FAM153A: variants seen among roughly 807,000 people sequenced by gnomAD.
FAM153A encodes the protein protein FAM153A.
A neutral mutation model predicts 48.1 loss-of-function variants in FAM153A; 12 were observed. That is an observed-to-expected ratio of 0.25 (90% CI 0.16 to 0.40). The LOEUF (loss-of-function observed/expected upper bound fraction) is 0.40. FAM153A is among the 10% of genes least tolerant of loss of function. The pLI is 1.00. For synonymous variants in FAM153A, 36 were observed against 118.2 expected, an observed-to-expected ratio of 0.30 and a Z score of 4.51; for missense variants, 111 against 345.8, an observed-to-expected ratio of 0.32 and a Z score of 5.38.
chr5:177,696,334 A>AGAT, the FAM153A span, among the ~76,000 whole-genome samples: 17 of 114,370 alleles, frequency 1.5e-4, no homozygotes, highest in Non-Finnish European at 2.8e-4. Context: ...CTCACTTCCC[A>AGAT]GATGGGCGGC....
chr5:177,754,143 C>A (rs1447915848), upstream of FAM153A, among the ~76,000 whole-genome samples: 1 of 151,876 alleles, frequency 6.6e-6, no homozygotes, highest in African/African-American at 2.4e-5. Flanking sequence ...CACCCTAATA[C>A]TGCGCTTTTC....
At chr5:177,699,020 C>T in the FAM153A span, among the ~76,000 whole-genome samples, 292 of 151,022 alleles carry the variant, frequency 1.9e-3, 1 homozygote, top group Non-Finnish European at 3.1e-3. Context: ...AGGCTGGTCT[C>T]GAACTCCTGG....
At chr5:177,696,694 T>G in the FAM153A span, among the ~76,000 whole-genome samples, 2 of 151,092 alleles carry the variant, frequency 1.3e-5, no homozygotes, top group African/African-American at 4.9e-5. Context: ...TTCTAGATAG[T>G]CTTGCTCTGT....
In FAM153A at chr5:177,766,114, C is replaced by CA. The variant is rs1179260585; in HGVS notation, c.-57+14334dup. Among the ~76,000 whole-genome samples the CA allele has an allele frequency of 9.1e-5, 9 of 98,832 alleles. 1 individual carries two copies. The highest frequency in any genetic ancestry group is 3.1e-4 in the African/African-American group (9 of 28,920). The allele number at this position is 98,832 out of a possible 152,430, so 64.8% of individuals were successfully genotyped here. Reference sequence around the variant, plus strand: ...CCTGGGCAGCAGAGAGAGACTGTCTCAAAAAAACAAAATAAAACAAAAAAC... The same window carrying CA: ...CCTGGGCAGCAGAGAGAGACTGTCTCAAAAAAAACAAAATAAAACAAAAAAC... On this transcript the variant is annotated intron_variant, in intron 1 of 8. Coordinates refer to the FAM153A transcript ENST00000393518.
chr5:177,728,286 G>A (rs1174066157), intron 18 of FAM153A, among the ~76,000 whole-genome samples: 2 of 141,544 alleles, frequency 1.4e-5, no homozygotes, highest in Non-Finnish European at 3.0e-5. Flanking sequence ...TACAGCTGTG[G>A]TGGACGATGA....
upstream of FAM153A, among the ~76,000 whole-genome samples, chr5:177,781,186 C>G (rs1407834228): frequency 8.3e-6 from 1 of 120,154 alleles, no homozygotes; most frequent in African/African-American, 3.3e-5. Context: ...GCAAGCTCCC[C>G]CTCCCGGGTT....
rs546228934 is a variant in FAM153A, at chr5:177,729,224, T to C, written c.934-171A>G. On this transcript the variant is annotated intron_variant, in intron 17 of 20. Coordinates refer to ENST00000614127, the Ensembl canonical transcript of FAM153A. ...AGGATTTCTGTGCAACATTTTCAAT[T>C]GTTTTTCTTTGACAATTCCAAATTC... 1.2e-3 allele frequency among the ~76,000 whole-genome samples: 140 copies of C among 117,078 alleles called. 29 individuals carry two copies. The Middle Eastern group carries it at 0.034, about 28-fold the overall frequency. 76.8% of individuals were successfully genotyped at this position (117,078 alleles called of 152,430 possible). A position where few individuals can be genotyped will look rare whatever the true frequency, so the allele number is the denominator to read the frequency against.
At chr5:177,746,090 G>A (rs919360305) in intron 4 of FAM153A, among the ~76,000 whole-genome samples, 4 of 151,456 alleles carry the variant, frequency 2.6e-5, no homozygotes, top group African/African-American at 7.4e-5. Flanking sequence ...ACTCATTCCC[G>A]AGTTCACATG....
chr5:177,755,180 T>C (rs1288758241), upstream of FAM153A, among the ~76,000 whole-genome samples: 1 of 151,928 alleles, frequency 6.6e-6, no homozygotes, highest in African/African-American at 2.4e-5. Context: ...GAGAACTATG[T>C]GACAAATGCA....
intron 25 of FAM153A, among the ~76,000 whole-genome samples, chr5:177,715,901 C>T (rs1582168964): frequency 6.6e-6 from 1 of 151,512 alleles, no homozygotes; most frequent in African/African-American, 2.4e-5. Flanking sequence ...GTGTCAAACT[C>T]CTGGTTTATA....
downstream of FAM153A, among the ~76,000 whole-genome samples, chr5:177,710,876 C>A (rs529040894): frequency 5.3e-5 from 8 of 150,474 alleles, no homozygotes; most frequent in African/African-American, 2.0e-4. Context: ...AGGCAAACTC[C>A]TGACCTCAGG....
intron 18 of FAM153A, among the ~76,000 whole-genome samples, chr5:177,726,280 C>CA (rs202188815): frequency 0.083 from 9,678 of 116,836 alleles, 145 homozygotes; most frequent in East Asian, 0.25. Context: ...TCTCTATTCA[C>CA]AAAAAAATGC....
chr5:177,716,576 G>A (rs1759843490), intron 24 of FAM153A, among the ~76,000 whole-genome samples: 1 of 151,706 alleles, frequency 6.6e-6, no homozygotes, highest in South Asian at 2.1e-4. Context: ...CAGTTGAAAT[G>A]TCCTGACCAA....
chr5:177,758,570 A>C (rs1767981664), intron 1 of FAM153A, among the ~76,000 whole-genome samples: 1 of 137,754 alleles, frequency 7.3e-6, no homozygotes. Flanking sequence ...ACCTGACTTC[A>C]AACTATACTA....
At chr5:177,695,069 G>A in the FAM153A span, among the ~76,000 whole-genome samples, 3 of 134,634 alleles carry the variant, frequency 2.2e-5, no homozygotes, top group East Asian at 4.1e-4. Flanking sequence ...GACTATAGGC[G>A]CATGCCACCA....
At chr5:177,732,732 A>T in intron 14 of FAM153A, among the ~76,000 whole-genome samples, 1 of 102,276 alleles carries the variant, frequency 9.8e-6, no homozygotes, top group African/African-American at 3.7e-5. Context: ...CTGGTCTCGA[A>T]CTCTCAACCT....
chr5:177,714,435 A>G (rs1469754161), intron 25 of FAM153A, among the ~76,000 whole-genome samples: 1 of 151,024 alleles, frequency 6.6e-6, no homozygotes, highest in Non-Finnish European at 1.5e-5. Flanking sequence ...ACAATTTTAT[A>G]AAATAAATAG....
At chr5:177,725,784 A>C (rs1762324106) in intron 18 of FAM153A, among the ~76,000 whole-genome samples, 1 of 151,870 alleles carries the variant, frequency 6.6e-6, no homozygotes, top group Non-Finnish European at 1.5e-5. Flanking sequence ...GGCTACAGGG[A>C]GGGTGAGAGC....
rs111470803 is a variant in FAM153A, at chr5:177,765,247, A to T, written c.-57+15202T>A. ...TATGGGCATCTGCACTTGGCCTAAT[A>T]AAGACAACAGTGAACATCTGGGCCA... is the stretch of plus-strand genomic sequence containing the variant. On this transcript the variant is annotated intron_variant, in intron 1 of 8. Coordinates refer to the FAM153A transcript ENST00000393518. Among the ~76,000 whole-genome samples, 36 of 97,718 alleles carry T rather than the reference A, an allele frequency of 3.7e-4. 13 individuals are homozygous for T. Among genetic ancestry groups the T allele is most frequent in the Non-Finnish European group, 6.6e-4 (31 of 46,894 alleles). 64.1% of individuals were successfully genotyped at this position (97,718 alleles called of 152,430 possible). A position where few individuals can be genotyped will look rare whatever the true frequency, so the allele number is the denominator to read the frequency against.
Sources: allele counts gnomAD v4.1 joint callset (sites outside exome capture counted in the v4.1 genomes callset), GRCh38; gene constraint gnomAD v4.1.1; transcripts MANE v1.5; gene names NCBI Gene and HGNC (gene_info 2026-07-23, HGNC 2026-07-21).